CA8: variants seen among roughly 807,000 people sequenced by gnomAD.
CA8 encodes the protein carbonic anhydrase-related protein.
CA8 carries 22 observed loss-of-function variants against 41.4 expected under a neutral mutation model. The observed-to-expected ratio is 0.53, with a 90% CI of 0.38 to 0.76. CA8 has a LOEUF of 0.76. CA8 is among the 30% of genes least tolerant of loss of function. The pLI is 0.00. For synonymous variants in CA8, 121 were observed against 130.6 expected (o/e 0.93, Z 0.50); for missense variants, 270 against 352.8 (o/e 0.77, Z 1.88).
At chr8:60,256,152 C>T (rs761221231) in intron 3 of CA8, among the ~76,000 whole-genome samples, 4 of 152,036 alleles carry the variant, frequency 2.6e-5, no homozygotes, top group East Asian at 1.9e-4. Context: ...TCAGGTGATC[C>T]GCCCACCTCA....
At chr8:60,255,665 C>G (rs1808611370) in intron 3 of CA8, among the ~76,000 whole-genome samples, 1 of 152,104 alleles carries the variant, frequency 6.6e-6, no homozygotes, top group African/African-American at 2.4e-5. Context: ...GAATAAATGT[C>G]TTCCTTCTGT....
chr8:60,200,255 T>C (rs10108917), intron 8 of CA8, among the ~76,000 whole-genome samples: 67,638 of 152,054 alleles, frequency 0.44, 15,655 homozygotes, highest in African/African-American at 0.57. Flanking sequence ...CTGTGAGAAA[T>C]AAATTTCTGT....
chr8:60,195,389 A>G (rs7460476), intron 8 of CA8, among the ~76,000 whole-genome samples: 119,077 of 152,212 alleles, frequency 0.78, 46,856 homozygotes, highest in Middle Eastern at 0.85. Context: ...TAAAAATCAC[A>G]TGTTCACACA....
At chr8:60,257,158 A>G (rs1279478696) in intron 3 of CA8, among the ~76,000 whole-genome samples, 1 of 152,038 alleles carries the variant, frequency 6.6e-6, no homozygotes, top group Non-Finnish European at 1.5e-5. Flanking sequence ...TTGTATCTTC[A>G]GTAGAAACAG....
intron 7 of CA8, among the ~76,000 whole-genome samples, chr8:60,215,081 G>A (rs1000023075): frequency 3.9e-5 from 6 of 152,066 alleles, no homozygotes; most frequent in Non-Finnish European, 7.4e-5. Flanking sequence ...TGCACAGATG[G>A]CACTATACCA....
At chr8:60,190,638 G>T (rs1254229811) in intron 8 of CA8, among the ~76,000 whole-genome samples, 7 of 149,814 alleles carry the variant, frequency 4.7e-5, no homozygotes, top group African/African-American at 1.7e-4. Flanking sequence ...CCTAAGGTAG[G>T]TAATAAATCT....
At chr8:60,202,656 G>T (rs1452651904) in intron 8 of CA8, among the ~76,000 whole-genome samples, 1 of 152,160 alleles carries the variant, frequency 6.6e-6, no homozygotes, top group Non-Finnish European at 1.5e-5. Flanking sequence ...TCCCTAAAGG[G>T]CATGTGGAGG....
At chr8:60,238,697 T>A (rs1405547691) in intron 3 of CA8, among the ~76,000 whole-genome samples, 1 of 152,132 alleles carries the variant, frequency 6.6e-6, no homozygotes, top group South Asian at 2.1e-4. Flanking sequence ...GTTGAAAATC[T>A]CTGATTTCCT....
intron 2 of CA8, among the ~76,000 whole-genome samples, chr8:60,270,192 T>C (rs1295873982): frequency 2.0e-5 from 3 of 152,194 alleles, no homozygotes; most frequent in African/African-American, 7.2e-5. Context: ...ATTTAAAGTA[T>C]TATTCGTGCA....
In CA8 at chr8:60,281,326, G is replaced by A. The variant is rs1372924632; in HGVS notation, c.-179C>T. On this transcript the variant is annotated 5_prime_UTR_variant, in exon 1 of 9. Transcript: ENST00000317995. Reference sequence around the variant, plus strand: ...TGTGAGTGCAAGCAGGCGTGCGTTCGGACCGAGTGTTCCAGAGACCCGCGT... The same window carrying A: ...TGTGAGTGCAAGCAGGCGTGCGTTCAGACCGAGTGTTCCAGAGACCCGCGT... 6.6e-6 allele frequency: 4 copies of A among 604,680 alleles called. No individual in the cohort carries two copies. The highest frequency in any genetic ancestry group is 1.9e-5 in the South Asian group (1 of 52,614). The allele number at this position is 604,680 out of a possible 1,614,324, so 37.5% of individuals were successfully genotyped here.
At chr8:60,193,618 C>T (rs2130378881) in intron 8 of CA8, among the ~76,000 whole-genome samples, 1 of 152,314 alleles carries the variant, frequency 6.6e-6, no homozygotes, top group South Asian at 2.1e-4. Flanking sequence ...GAAGGTCATG[C>T]TCACTGCCTT....
intron 3 of CA8, among the ~76,000 whole-genome samples, chr8:60,237,100 A>G (rs1807857407): frequency 6.6e-6 from 1 of 152,208 alleles, no homozygotes; most frequent in Admixed American, 6.5e-5. Flanking sequence ...CTCCAGCTCC[A>G]TTATTCTGAG....
chr8:60,200,831 C>T (rs945938432), intron 8 of CA8, among the ~76,000 whole-genome samples: 1 of 152,182 alleles, frequency 6.6e-6, no homozygotes, highest in African/African-American at 2.4e-5. Flanking sequence ...TACAAATCAA[C>T]CAGAGCTGGC....
intron 6 of CA8, 116 bp downstream of exon 6, chr8:60,224,421 A>G: frequency 1.4e-6 from 1 of 710,518 alleles, no homozygotes; most frequent in East Asian, 2.7e-5. Flanking sequence ...TAAACAGAAT[A>G]CAAATTGCAA....
intron 8 of CA8, among the ~76,000 whole-genome samples, chr8:60,196,173 G>A (rs948046287): frequency 2.0e-5 from 3 of 152,090 alleles, no homozygotes; most frequent in Non-Finnish European, 4.4e-5. Context: ...AAGCAAGCCA[G>A]GGACAAATCT....
At chr8:60,267,870 C>G (rs1432767378) in intron 2 of CA8, among the ~76,000 whole-genome samples, 3 of 152,188 alleles carry the variant, frequency 2.0e-5, no homozygotes, top group South Asian at 2.1e-4. Context: ...ATATTCAGAA[C>G]CACAGTGCAA....
At chr8:60,200,901 ATCTT>A (rs767800875) in intron 8 of CA8, among the ~76,000 whole-genome samples, 2,631 of 152,186 alleles carry the variant, frequency 0.017, 32 homozygotes, top group Middle Eastern at 0.048. Context: ...TTTTTATTTA[ATCTT>A]GTATTTATTA....
At position 60,208,734 on chromosome 8, in the gene CA8, C is replaced by T. The variant is rs1806727970; in HGVS notation, c.*35+16G>A. On this transcript the variant is annotated intron_variant, in intron 8 of 8. Transcript: ENST00000317995. ...GTAGCTGTGCACCTCATTTTCCTTA[C>T]TTAATCTGGACATACCCTCATGAAG... 5.6e-6 allele frequency: 9 copies of T among 1,612,174 alleles called. No homozygotes were observed. Among genetic ancestry groups the T allele is most frequent in the Non-Finnish European group, 7.6e-6 (9 of 1,178,262 alleles).
At chr8:60,213,144 A>T (rs1806896293) in intron 7 of CA8, among the ~76,000 whole-genome samples, 1 of 152,070 alleles carries the variant, frequency 6.6e-6, no homozygotes, top group South Asian at 2.1e-4. Context: ...TTCCTTACCA[A>T]CCTCTCATTC....
Sources: gnomAD v4.1 joint callset for allele counts (sites outside exome capture counted in the v4.1 genomes callset) on GRCh38, gnomAD v4.1.1 for gene constraint, MANE v1.5 for transcripts, NCBI Gene and HGNC (gene_info 2026-07-23, HGNC 2026-07-21) for gene names.